The following DPEP1 variants were observed in gnomAD, a reference collection of about 807,000 sequenced individuals.
DPEP1 encodes the protein dipeptidase 1.
Under a neutral mutation model 42.3 loss-of-function variants are expected in DPEP1, and 50 were observed. The ratio of observed to expected loss-of-function variants is 1.18; its 90% CI spans 0.94 to 1.50. DPEP1 has a LOEUF of 1.50. DPEP1 is among the 40% of genes most tolerant of loss of function. DPEP1 has a pLI of 0.00. For missense variants in DPEP1, 663 were observed against 553.0 expected (o/e 1.20, Z -1.99); for synonymous variants, 297 against 234.0 (o/e 1.27, Z -2.46).
intron 2 of DPEP1, among the ~76,000 whole-genome samples, chr16:89,634,607 C>A (rs2059638376): frequency 8.9e-6 from 1 of 112,784 alleles, no homozygotes; most frequent in South Asian, 3.5e-4. Flanking sequence ...CTTCCTTCTC[C>A]TTTCCCCTTC....
At chr16:89,615,962 G>T (rs999486052) in intron 1 of DPEP1, among the ~76,000 whole-genome samples, 1 of 152,092 alleles carries the variant, frequency 6.6e-6, no homozygotes, top group Admixed American at 6.5e-5. Flanking sequence ...CGTCCCCTAC[G>T]TGTCGTGTCC....
rs1462384120 is a variant in DPEP1, at chr16:89,636,651, C to A, written c.489C>A (p.Tyr163Ter). 2 of 1,612,580 alleles carry A rather than the reference C, an allele frequency of 1.2e-6. No homozygotes were observed. Among genetic ancestry groups the A allele is most frequent in the Admixed American group, 1.7e-5 (1 of 60,028 alleles). ...LRALYQLGMR[Y>*]LTLTHSCNTP... ...CACTCTATCAGCTGGGCATGCGGTA[C>A]CTGACCCTCACCCACAGCTGCAACA... Residue 163 changes from tyrosine (Y) to a stop codon, truncating the protein, a stop_gained, in exon 5 of 11, where the codon TAC becomes TAA. Transcript: ENST00000690203. LOFTEE classifies it high-confidence loss of function.
At chr16:89,617,973 G>A (rs1202045537) in intron 1 of DPEP1, among the ~76,000 whole-genome samples, 1 of 152,114 alleles carries the variant, frequency 6.6e-6, no homozygotes, top group Non-Finnish European at 1.5e-5. Context: ...GCAGTGAGCT[G>A]AGATTGTGCC....
At chr16:89,616,639 G>A (rs569422458) in intron 1 of DPEP1, among the ~76,000 whole-genome samples, 2 of 152,304 alleles carry the variant, frequency 1.3e-5, no homozygotes, top group South Asian at 2.1e-4. Context: ...CTTGAAGTTT[G>A]TGATCAGGAA....
At position 89,624,500 on chromosome 16, in the gene DPEP1, G is replaced by A. The variant is rs377257367; in HGVS notation, c.-106-5805G>A. On this transcript the variant is annotated intron_variant, in intron 1 of 10. Transcript: ENST00000690203. ...TTAAAGCGAGAAAGGTCGGGAGTGG[G>A]GTGAGAGGGGCGCTGTTACATAGTT... 2.4e-4 allele frequency among the ~76,000 whole-genome samples: 36 copies of A among 152,032 alleles called. No homozygotes were observed. The East Asian group carries it at 4.8e-3, about 20-fold the overall frequency.
chr16:89,630,087 T>C (rs1427888673), intron 1 of DPEP1, among the ~76,000 whole-genome samples: 1 of 152,164 alleles, frequency 6.6e-6, no homozygotes, highest in Non-Finnish European at 1.5e-5. Context: ...TGTCCTTTCA[T>C]CTGGGCTCTA....
At chr16:89,622,420 G>C (rs1017557775) in intron 1 of DPEP1, among the ~76,000 whole-genome samples, 1 of 152,286 alleles carries the variant, frequency 6.6e-6, no homozygotes, top group Non-Finnish European at 1.5e-5. Flanking sequence ...TCTGGGTCAA[G>C]ATGTGAGGTA....
intron 1 of DPEP1, among the ~76,000 whole-genome samples, chr16:89,625,426 G>A (rs746259789): frequency 6.6e-6 from 1 of 152,160 alleles, no homozygotes. Context: ...TGAGGGGCCC[G>A]TCCCCATGAC....
chr16:89,618,371 C>G (rs2059403044), intron 1 of DPEP1, among the ~76,000 whole-genome samples: 1 of 152,152 alleles, frequency 6.6e-6, no homozygotes, highest in African/African-American at 2.4e-5. Context: ...TGTGTGCCAC[C>G]ACGCTTGGCT....
At chr16:89,638,872 A>C (rs867391307), downstream of DPEP1, among the ~76,000 whole-genome samples, 24 of 6,428 alleles carry the variant, frequency 3.7e-3, no homozygotes, top group Middle Eastern at 0.071. Context: ...CACACACCCC[A>C]CCCCTGCACA....
At chr16:89,630,670 TTGGGGGTGCCGGGGC>T (rs2059574959) in intron 2 of DPEP1, among the ~76,000 whole-genome samples, 156 bp downstream of exon 2, 2 of 25,944 alleles carry the variant, frequency 7.7e-5, no homozygotes, top group South Asian at 1.8e-3. Context: ...GGAGCCGGGG[TTGGGGGTGCCGGGGC>T]TGGGGGTGCC....
chr16:89,638,794 ACC>A (rs199680983), downstream of DPEP1, among the ~76,000 whole-genome samples: 2 of 44,046 alleles, frequency 4.5e-5, no homozygotes, highest in Non-Finnish European at 4.2e-5. Context: ...CTGCACGCAC[ACC>A]CCCCACCCCT....
Position 89,637,648 on chromosome 16 carries a change from C to G in DPEP1, c.870C>G (p.Ile290Met). The G allele has an allele frequency of 6.2e-7, 1 of 1,613,002 alleles. No homozygotes were observed. The highest frequency in any genetic ancestry group is 1.1e-5 in the South Asian group (1 of 91,084). The stretch of plus-strand genomic sequence containing the variant: ...CCTGGACAGACCATCTGGATCACAT[C>G]AAGGAGGTGGCAGGAGCCAGAGCCG... ...LSQVADHLDH[I>M]KEVAGARAVG... The change falls in exon 9 of 11, where the codon ATC becomes ATG. Residue 290 changes from isoleucine to methionine, a missense_variant. Ile to Met is a conservative substitution (Grantham distance 10). Transcript: ENST00000690203.
In DPEP1 at chr16:89,636,576, C is replaced by G. The variant is rs768267824; in HGVS notation, c.414C>G (p.Ile138Met). ...AFREGKVASL[I>M]GVEGGHSIDS... ...GGGAAGGGAAGGTGGCCAGCCTGAT[C>G]GGCGTGGAGGGCGGCCACTCCATTG... Residue 138 changes from isoleucine (I) to methionine (M), a missense_variant, in exon 5 of 11, where the codon ATC becomes ATG. Transcript: ENST00000690203. 5 of 1,612,478 alleles carry G rather than the reference C, an allele frequency of 3.1e-6. No homozygotes were observed. In the South Asian group the frequency reaches 5.5e-5, roughly 18 times the overall value.
intron 1 of DPEP1, among the ~76,000 whole-genome samples, chr16:89,618,933 GCTCCCTGCCCCCCTGC>G (rs1567979813): frequency 2.5e-5 from 3 of 118,396 alleles, no homozygotes; most frequent in African/African-American, 6.1e-5. Flanking sequence ...CCTCCCTGCA[GCTCCCTGCCCCCCTGC>G]TCCCCTCCCT....
rs951077074 is a variant in DPEP1 at position 89,629,017 on chromosome 16, G to A, written c.-106-1288G>A. Among the ~76,000 whole-genome samples the A allele has an allele frequency of 2.6e-5, 4 of 152,032 alleles. No individual in the cohort carries two copies. In the South Asian group the frequency reaches 8.3e-4, roughly 31 times the overall value. Reference sequence around the variant, plus strand: ...AATTTTTGTCTTTTTAATACAGAGAGGGTTTCACCATATTGGCCAGGCTTG... The same window carrying A: ...AATTTTTGTCTTTTTAATACAGAGAAGGTTTCACCATATTGGCCAGGCTTG... On this transcript the variant is annotated intron_variant, in intron 1 of 10. Transcript: ENST00000690203.
intron 1 of DPEP1, among the ~76,000 whole-genome samples, chr16:89,614,040 G>T (rs1317520783): frequency 6.9e-6 from 1 of 145,568 alleles, no homozygotes; most frequent in Admixed American, 6.8e-5. Context: ...GGAAACTGGG[G>T]CCAGGTGTGT....
chr16:89,639,787 G>A (rs1432988321), downstream of DPEP1, among the ~76,000 whole-genome samples: 2 of 152,086 alleles, frequency 1.3e-5, no homozygotes, highest in African/African-American at 4.8e-5. Flanking sequence ...CCAGGTTCAA[G>A]TAATTCTCCT....
chr16:89,614,570 A>G (rs2434861), intron 1 of DPEP1, among the ~76,000 whole-genome samples: 150,419 of 152,266 alleles, frequency 0.99, 74,324 homozygotes, highest in East Asian at 1. Context: ...CGAGGTGGGC[A>G]GATCATGAGG....
Sources: gnomAD v4.1 joint callset for allele counts (sites outside exome capture counted in the v4.1 genomes callset) on GRCh38, gnomAD v4.1.1 for gene constraint, MANE v1.5 for transcripts, NCBI Gene and HGNC (gene_info 2026-07-23, HGNC 2026-07-21) for gene names.